Variants in CNTN6 observed in about 807,000 individuals in gnomAD.
The protein encoded by CNTN6 is contactin 6.
CNTN6 carries 137 observed loss-of-function variants against 122.8 expected under a neutral mutation model. That is an observed-to-expected ratio of 1.12 (90% CI 0.97 to 1.29). The LOEUF (loss-of-function observed/expected upper bound fraction) is 1.29. CNTN6 is among the 50% of genes most tolerant of loss of function. The probability of loss-of-function intolerance (pLI) is 0.00; values close to 1 mark genes in which losing one functional copy is unlikely to be tolerated. For synonymous variants in CNTN6, 570 were observed against 426.0 expected (o/e 1.34, Z -4.16); for missense variants, 1,634 against 1,223.4 (o/e 1.34, Z -5.01).
chr3:1,293,319 G>A (rs262805), intron 5 of CNTN6, among the ~76,000 whole-genome samples: 111,587 of 151,094 alleles, frequency 0.74, 41,303 homozygotes, highest in East Asian at 0.93. Context: ...CATGCTTCAT[G>A]CATTTTTTTT....
intron 1 of CNTN6, among the ~76,000 whole-genome samples, chr3:1,120,357 G>A (rs2872338): frequency 0.87 from 132,106 of 151,912 alleles, 57,939 homozygotes; most frequent in East Asian, 0.99. Context: ...CTCGTCATCA[G>A]TGTTTGGCAT....
chr3:1,283,721 G>A (rs889740960), intron 5 of CNTN6, among the ~76,000 whole-genome samples: 5 of 152,196 alleles, frequency 3.3e-5, no homozygotes, highest in East Asian at 1.9e-4. Context: ...AACTCTCGGC[G>A]GGGCTCAGTG....
chr3:1,247,679 C>G (rs142267588), intron 4 of CNTN6, among the ~76,000 whole-genome samples: 4 of 152,122 alleles, frequency 2.6e-5, no homozygotes, highest in South Asian at 2.1e-4. Flanking sequence ...ATAAAAAGCC[C>G]GAGGGAAGCT....
At chr3:1,171,172 C>G (rs2093351913) in intron 2 of CNTN6, among the ~76,000 whole-genome samples, 1 of 152,150 alleles carries the variant, frequency 6.6e-6, no homozygotes, top group South Asian at 2.1e-4. Context: ...CTTCTTAATG[C>G]TATGAGCTAA....
chr3:1,390,770 A>G (rs2126221608), intron 20 of CNTN6, among the ~76,000 whole-genome samples: 1 of 151,904 alleles, frequency 6.6e-6, no homozygotes, highest in South Asian at 2.1e-4. Context: ...AGAGAATACT[A>G]CAAACACCTC....
chr3:1,200,367 C>G (rs1011403918), intron 2 of CNTN6, among the ~76,000 whole-genome samples: 6 of 152,168 alleles, frequency 3.9e-5, no homozygotes, highest in African/African-American at 1.4e-4. Flanking sequence ...CTTTGGAGAG[C>G]TGCATCTACT....
intron 1 of CNTN6, among the ~76,000 whole-genome samples, chr3:1,110,714 A>ATTTTTT (rs2091442162): frequency 6.6e-6 from 1 of 152,018 alleles, no homozygotes; most frequent in Admixed American, 6.5e-5. Context: ...AGCAGGTTTG[A>ATTTTTT]CAATGTTGTC....
intron 17 of CNTN6, among the ~76,000 whole-genome samples, chr3:1,381,574 G>C (rs1241443678): frequency 6.6e-6 from 1 of 152,144 alleles, no homozygotes; most frequent in African/African-American, 2.4e-5. Flanking sequence ...AGGAGCTCTA[G>C]GCAACCATCA....
chr3:1,233,655 A>G (rs1446363713), intron 4 of CNTN6, among the ~76,000 whole-genome samples: 1 of 148,274 alleles, frequency 6.7e-6, no homozygotes, highest in Admixed American at 6.9e-5. Context: ...GAATCGCGTG[A>G]ACCCGGGAGG....
intron 6 of CNTN6, among the ~76,000 whole-genome samples, chr3:1,296,139 T>A (rs1023330939): frequency 1.3e-5 from 2 of 152,100 alleles, no homozygotes; most frequent in African/African-American, 4.8e-5. Context: ...GCCAAACATA[T>A]AACTGAATCA....
intron 2 of CNTN6, among the ~76,000 whole-genome samples, chr3:1,208,041 C>A (rs1259261775): frequency 6.6e-6 from 1 of 152,072 alleles, no homozygotes; most frequent in East Asian, 1.9e-4. Context: ...TCACATCATT[C>A]TTGTCCTCTT....
chr3:1,372,417 C>T lies in CNTN6; in HGVS notation c.1611C>T (p.Phe537=), dbSNP rs769068535. Residue 537 remains phenylalanine, a synonymous_variant, in exon 13 of 23, where the codon TTC becomes TTT. Coordinates refer to ENST00000446702, the MANE Select transcript of CNTN6 (RefSeq NM_001289080.2). Reference sequence around the variant, plus strand: ...TTGAAGTGGTATTTGTATGGTTTTTCAATGGAGATGTCATAGACTTAAAAA... The same window carrying T: ...TTGAAGTGGTATTTGTATGGTTTTTTAATGGAGATGTCATAGACTTAAAAA... The part of the protein sequence containing the change: ...PSIEVVFVWF[F]NGDVIDLKKG... 1.2e-6 allele frequency: 2 copies of T among 1,613,012 alleles called. No individual in the cohort carries two copies. Among genetic ancestry groups the T allele is most frequent in the South Asian group, 1.1e-5 (1 of 91,020 alleles).
intron 3 of CNTN6, among the ~76,000 whole-genome samples, chr3:1,226,486 C>A (rs2094285575): frequency 6.6e-6 from 1 of 152,106 alleles, no homozygotes; most frequent in Non-Finnish European, 1.5e-5. Context: ...GGTCATAAAA[C>A]CTTTATTCCA....
intron 11 of CNTN6, among the ~76,000 whole-genome samples, chr3:1,332,423 C>G (rs1049783408): frequency 4.0e-5 from 6 of 150,350 alleles, no homozygotes; most frequent in African/African-American, 9.8e-5. Context: ...ATAGTCTTAT[C>G]GTGGGACTTC....
At chr3:1,118,003 T>G (rs1559345357) in intron 1 of CNTN6, among the ~76,000 whole-genome samples, 1 of 152,152 alleles carries the variant, frequency 6.6e-6, no homozygotes, top group African/African-American at 2.4e-5. Context: ...TGGTAATCAC[T>G]TCCCAAATAA....
chr3:1,402,679 A>G (rs934881976), intron 22 of CNTN6, 193 bp downstream of exon 22: 5 of 432,684 alleles, frequency 1.2e-5, no homozygotes, highest in Non-Finnish European at 1.6e-5. Context: ...AAATGGTTTT[A>G]TGCTTCCTCA....
chr3:1,233,088 G>C (rs534742254), intron 4 of CNTN6, among the ~76,000 whole-genome samples: 1 of 152,076 alleles, frequency 6.6e-6, no homozygotes, highest in Non-Finnish European at 1.5e-5. Context: ...CTTTATATCC[G>C]GGCCTAATCT....
intron 11 of CNTN6, among the ~76,000 whole-genome samples, chr3:1,347,187 G>T (rs914358596): frequency 6.6e-6 from 1 of 152,026 alleles, no homozygotes; most frequent in Non-Finnish European, 1.5e-5. Flanking sequence ...GGAATTGCAT[G>T]GTACAATACA....
At chr3:1,134,469 T>G (rs1372524328) in intron 1 of CNTN6, among the ~76,000 whole-genome samples, 1 of 152,120 alleles carries the variant, frequency 6.6e-6, no homozygotes, top group Non-Finnish European at 1.5e-5. Flanking sequence ...AAATGTGATT[T>G]TAGCATCCTG....
Sources: allele counts gnomAD v4.1 joint callset (sites outside exome capture counted in the v4.1 genomes callset), GRCh38; gene constraint gnomAD v4.1.1; transcripts MANE v1.5; gene names NCBI Gene and HGNC (gene_info 2026-07-23, HGNC 2026-07-21).